The following PAPLN variants were observed in gnomAD, a reference collection of about 807,000 sequenced individuals.
PAPLN encodes papilin, proteoglycan like sulfated glycoprotein.
PAPLN carries 146 observed loss-of-function variants against 159.0 expected under a neutral mutation model. That is an observed-to-expected ratio of 0.92 (90% CI 0.80 to 1.05). PAPLN has a LOEUF of 1.05. Among genes scored for constraint, PAPLN ranks in the 50% least tolerant of loss-of-function variants. PAPLN has a pLI of 0.00. For synonymous variants in PAPLN, 734 were observed against 702.9 expected, an observed-to-expected ratio of 1.04 and a Z score of -0.70; for missense variants, 1,720 against 1,743.9, an observed-to-expected ratio of 0.99 and a Z score of 0.24.
chr14:73,256,046 G>T (rs1318270665), intron 14 of PAPLN, among the ~76,000 whole-genome samples: 1 of 152,210 alleles, frequency 6.6e-6, no homozygotes, highest in African/African-American at 2.4e-5. Context: ...GCCTTGTGGG[G>T]GAGCTCGGCC....
chr14:73,263,398 C>T, intron 19 of PAPLN: 1 of 583,460 alleles, frequency 1.7e-6, no homozygotes, highest in Non-Finnish European at 3.1e-6. Context: ...GGGCTTTGCA[C>T]CTACCTTGTT....
rs139626596 is a variant in PAPLN at position 73,248,106 on chromosome 14, T to TGTGTGTGC, written c.335-1877_335-1876insTGTGTGCG. 2.0e-3 allele frequency among the ~76,000 whole-genome samples: 158 copies of TGTGTGTGC among 78,506 alleles called. 9 individuals carry two copies. Among genetic ancestry groups the TGTGTGTGC allele is most frequent in the South Asian group, 8.2e-3 (15 of 1,820 alleles). 51.5% of individuals were successfully genotyped at this position (78,506 alleles called of 152,430 possible). On this transcript the variant is annotated intron_variant, in intron 5 of 26. Transcript: ENST00000644200. ...GTGTGTGTGTGTGTGTGTGTGTGTG[T>TGTGTGTGC]GCGCGTGTGTGTGTTGTGGGGATCG...
intron 5 of PAPLN, among the ~76,000 whole-genome samples, chr14:73,246,572 G>A (rs988569006): frequency 1.3e-5 from 2 of 149,340 alleles, no homozygotes; most frequent in Admixed American, 6.7e-5. Context: ...TTTCTCTCTC[G>A]TTCTCTCTCG....
At chr14:73,254,415 A>C in intron 12 of PAPLN, 98 bp from the exon 13 acceptor site, 6 of 1,472,032 alleles carry the variant, frequency 4.1e-6, no homozygotes, top group Non-Finnish European at 5.6e-6. Context: ...GTTGGGTGCT[A>C]TCTGCCTCCA....
intron 14 of PAPLN, 139 bp downstream of exon 14, chr14:73,255,157 C>T: frequency 7.9e-7 from 1 of 1,258,354 alleles, no homozygotes; most frequent in Admixed American, 2.5e-5. Flanking sequence ...ATGTCTCCCC[C>T]CGCTGAACCC....
In PAPLN at chr14:73,262,532, G is replaced by A. The variant is rs984762793; in HGVS notation, c.2428G>A (p.Gly810Arg). ...GAGCAGCTGCCAGGGATCTCTCCAT[G>A]GGCCCCGTCGTCCCCAGCCTGGGGC... Reference protein sequence around the residue: ...CMSSCQGSLHGPRRPQPGASG... With the variant: ...CMSSCQGSLHRPRRPQPGASG... Residue 810 changes from glycine (G) to arginine (R), a missense_variant, in exon 19 of 27, where the codon GGG becomes AGG. Gly to Arg is a moderately radical substitution (Grantham distance 125, BLOSUM62 -2). Coordinates refer to ENST00000644200, the MANE Select transcript of PAPLN (RefSeq NM_001365906.3). 5 of 1,572,358 alleles carry A rather than the reference G, an allele frequency of 3.2e-6. No individual in the cohort carries two copies. Among genetic ancestry groups the A allele is most frequent in the Non-Finnish European group, 4.3e-6 (5 of 1,158,266 alleles).
Position 73,259,294 on chromosome 14 carries a change from C to T in PAPLN, c.1734C>T (p.Ala578=), listed in dbSNP as rs146811312. ...ACTCCAGAGGCCAGTGGTGGGCAGC[C>T]CAGGAACACCCCTCAGCCAGGGGTG... ...ASDSRGQWWA[A]QEHPSARGDH... The change falls in exon 16 of 27, where the codon GCC becomes GCT. Residue 578 remains alanine (A), a synonymous_variant. Transcript: ENST00000644200. 2.4e-4 allele frequency: 373 copies of T among 1,578,958 alleles called. No homozygotes were observed. Among genetic ancestry groups the T allele is most frequent in the Non-Finnish European group, 3.1e-4 (360 of 1,160,268 alleles).
intron 3 of PAPLN, 188 bp downstream of exon 3, chr14:73,244,947 C>T (rs1594779510): frequency 1.9e-6 from 1 of 522,268 alleles, no homozygotes; most frequent in East Asian, 3.5e-5. Flanking sequence ...CAGGGCCTTC[C>T]ACTCTGAGCT....
intron 2 of PAPLN, chr14:73,242,966 A>AGG (rs1382805550): frequency 1.3e-5 from 2 of 152,264 alleles, no homozygotes; most frequent in East Asian, 3.8e-4. Flanking sequence ...GAAGCTGCTC[A>AGG]GGGGTCACCA....
chr14:73,270,470 G>A (rs988018739), intron 26 of PAPLN, among the ~76,000 whole-genome samples: 4 of 152,286 alleles, frequency 2.6e-5, no homozygotes, highest in Admixed American at 2.0e-4. Context: ...CAAAAGCCGC[G>A]ACACTCAGAT....
chr14:73,266,925 C>T, intron 25 of PAPLN, 94 bp downstream of exon 25: 2 of 1,222,942 alleles, frequency 1.6e-6, no homozygotes, highest in Middle Eastern at 2.1e-4. Context: ...ACTGTCACCA[C>T]TGCTTCCATT....
In PAPLN at chr14:73,246,068, C is replaced by A. The variant is rs372132091; in HGVS notation, c.232-5C>A. On this transcript the variant is annotated splice_polypyrimidine_tract_variant and splice_region_variant and intron_variant, in intron 4 of 26. Transcript: ENST00000644200. Reference sequence around the variant, plus strand: ...CTGGATCCCGACTTCCCCTCCGCCCCGCAGAGCTGCCCCGACGGCGCCCGG... The same window carrying A: ...CTGGATCCCGACTTCCCCTCCGCCCAGCAGAGCTGCCCCGACGGCGCCCGG... 2.6e-6 allele frequency: 4 copies of A among 1,537,946 alleles called. No homozygotes were observed. The highest frequency in any genetic ancestry group is 1.4e-5 in the African/African-American group (1 of 70,582).
In PAPLN at chr14:73,253,861, T is replaced by TG; in HGVS notation, c.1204dup (p.Glu402GlyfsTer4). 6.2e-7 allele frequency: 1 copy of TG among 1,613,428 alleles called. No individual in the cohort carries two copies. Among genetic ancestry groups the TG allele is most frequent in the Non-Finnish European group, 8.5e-7 (1 of 1,179,914 alleles). On this transcript the variant is annotated frameshift_variant, in exon 12 of 27. Coordinates refer to ENST00000644200, the MANE Select transcript of PAPLN (RefSeq NM_001365906.3). LOFTEE classifies it high-confidence loss of function. ...GACGGGGCCGGCATCCAGGAGGCCG[T>TG]GGAGGAGGCTGAGTGTGCCGGGCTG...
intron 5 of PAPLN, chr14:73,246,892 C>G (rs1470425922): frequency 6.6e-6 from 1 of 152,030 alleles, no homozygotes; most frequent in Non-Finnish European, 1.5e-5. Context: ...TGTCAAATAC[C>G]CCATCGATCA....
chr14:73,256,639 T>G (rs1885949822), intron 14 of PAPLN, among the ~76,000 whole-genome samples: 1 of 150,844 alleles, frequency 6.6e-6, no homozygotes, highest in African/African-American at 2.4e-5. Flanking sequence ...CAACTGCTCA[T>G]GCCTGTAATC....
chr14:73,250,753 A>G (rs550727756), intron 6 of PAPLN, among the ~76,000 whole-genome samples, 154 bp from the exon 7 acceptor site: 159 of 152,334 alleles, frequency 1.0e-3, no homozygotes, highest in African/African-American at 3.6e-3. Context: ...GTGGATTGTC[A>G]GCCACAGGCC....
chr14:73,249,577 G>A (rs540743794), intron 5 of PAPLN, among the ~76,000 whole-genome samples: 1 of 151,522 alleles, frequency 6.6e-6, no homozygotes, highest in South Asian at 2.1e-4. Context: ...GGGGGGCTGA[G>A]GCAGGAGAAT....
Position 73,261,197 on chromosome 14 carries a change from CAGTG to C in PAPLN, c.2153_2156del (p.Glu718AlafsTer83). 1 of 1,614,116 alleles carries C rather than the reference CAGTG, an allele frequency of 6.2e-7. No homozygotes were observed. The highest frequency in any genetic ancestry group is 8.5e-7 in the Non-Finnish European group (1 of 1,180,028). On this transcript the variant is annotated frameshift_variant, in exon 18 of 27. Transcript: ENST00000644200. LOFTEE classifies it high-confidence loss of function. Reference sequence around the variant, plus strand: ...AGCCCCAGGCCCAGCAGAATGAGCCCAGTGAGTGCCGGGGCTCCCAGTTTGGCTG... The same window carrying C: ...AGCCCCAGGCCCAGCAGAATGAGCCCAGTGCCGGGGCTCCCAGTTTGGCTG...
In PAPLN at chr14:73,258,724, T is replaced by C. The variant is rs10151978; in HGVS notation, c.1628-255T>C. Among the ~76,000 whole-genome samples, 277 of 151,722 alleles carry C rather than the reference T, an allele frequency of 1.8e-3. 1 individual carries two copies. Among genetic ancestry groups the C allele is most frequent in the African/African-American group, 6.5e-3 (268 of 41,386 alleles). ...CTTTAGTGAGCCATGATCACCCTAC[T>C]GCATCTCAGCCTGGGCGACAGAGAC... is the stretch of plus-strand genomic sequence containing the variant. On this transcript the variant is annotated intron_variant, in intron 14 of 26. Coordinates refer to ENST00000644200, the MANE Select transcript of PAPLN (RefSeq NM_001365906.3).
Sources: allele counts gnomAD v4.1 joint callset (sites outside exome capture counted in the v4.1 genomes callset), GRCh38; gene constraint gnomAD v4.1.1; transcripts MANE v1.5; gene names NCBI Gene and HGNC (gene_info 2026-07-23, HGNC 2026-07-21).